The following DAPK1 variants were observed in gnomAD, a reference collection of about 807,000 sequenced individuals.
DAPK1 encodes death-associated protein kinase 1.
Under a neutral mutation model 144.9 loss-of-function variants are expected in DAPK1, and 56 were observed. The observed-to-expected ratio is 0.39, with a 90% CI of 0.31 to 0.48. DAPK1 has a LOEUF of 0.48. Ranked by LOEUF, DAPK1 falls within the 20% of genes least tolerant of loss-of-function variation. DAPK1 has a pLI of 0.95. For missense variants in DAPK1, 1,454 were observed against 1,875.4 expected, an observed-to-expected ratio of 0.78 and a Z score of 4.15; for synonymous variants, 690 against 749.0, an observed-to-expected ratio of 0.92 and a Z score of 1.29.
chr9:87,706,407 G>T lies in DAPK1; in HGVS notation c.3336G>T (p.Leu1112=), dbSNP rs747354059. The T allele has an allele frequency of 1.8e-5, 29 of 1,612,716 alleles. No homozygotes were observed. The highest frequency in any genetic ancestry group is 1.6e-4 in the Middle Eastern group (1 of 6,082). Residue 1112 remains leucine, a synonymous_variant, in exon 26 of 26, where the codon CTG becomes CTT. Coordinates refer to ENST00000408954, the MANE Select transcript of DAPK1 (RefSeq NM_004938.4). This position sits in a 1 kb window ranked among gnomAD's most constrained non-coding sequence, Gnocchi z 9.0. The part of the protein sequence containing the change: ...DVPALIKTDN[L]HRSWADEEDE... ...CAGCCCTGATCAAGACAGACAACCT[G>T]CACCGCTCCTGGGCTGATGAGGAGG...
chr9:87,507,825 G>C (rs911644042), intron 2 of DAPK1, among the ~76,000 whole-genome samples: 1 of 151,936 alleles, frequency 6.6e-6, no homozygotes, highest in African/African-American at 2.4e-5. Flanking sequence ...ACTTCTTTTG[G>C]GACACATTTT....
Position 87,651,592 on chromosome 9 carries a change from C to T in DAPK1, c.1692C>T (p.Leu564=). The T allele has an allele frequency of 6.2e-7, 1 of 1,614,198 alleles. No homozygotes were observed. Among genetic ancestry groups the T allele is most frequent in the African/African-American group, 1.3e-5 (1 of 75,050 alleles). Residue 564 remains leucine (L), a synonymous_variant, in exon 17 of 26, where the codon CTC becomes CTT. Transcript: ENST00000408954. ...RCQMEVIKTL[L]SQGCFVDYQD... is the part of the protein sequence containing the mutation. Reference sequence around the variant, plus strand: ...AGATGGAGGTAATCAAGACTCTCCTCAGCCAAGGGTGTTTCGTCGATTATC... The same window carrying T: ...AGATGGAGGTAATCAAGACTCTCCTTAGCCAAGGGTGTTTCGTCGATTATC...
rs1477148997 is a variant in DAPK1, at chr9:87,708,633, T to C, written c.*1269T>C. 6.6e-6 allele frequency: 1 copy of C among 152,608 alleles called. No homozygotes were observed. Among genetic ancestry groups the C allele is most frequent in the Non-Finnish European group, 1.5e-5 (1 of 68,028 alleles). 9.5% of individuals were successfully genotyped at this position (152,608 alleles called of 1,614,324 possible). A position where few individuals can be genotyped will look rare whatever the true frequency, so the allele number is the denominator to read the frequency against. On this transcript the variant is annotated 3_prime_UTR_variant, in exon 26 of 26. Coordinates refer to ENST00000408954, the MANE Select transcript of DAPK1 (RefSeq NM_004938.4). ...ATAAATAAACTGTTGCTCGTTGCATTAGTTTTTTTGATCTTTAATTCAAAA... is the reference window on the plus strand; with the variant it reads ...ATAAATAAACTGTTGCTCGTTGCATCAGTTTTTTTGATCTTTAATTCAAAA...
chr9:87,634,796 G>C (rs762596682), intron 3 of DAPK1, among the ~76,000 whole-genome samples: 1 of 152,164 alleles, frequency 6.6e-6, no homozygotes, highest in Non-Finnish European at 1.5e-5. Flanking sequence ...GACATCACGT[G>C]GGGAGGGAGT....
intron 3 of DAPK1, among the ~76,000 whole-genome samples, chr9:87,625,114 T>G (rs1255214852): frequency 6.6e-6 from 1 of 151,692 alleles, no homozygotes; most frequent in Non-Finnish European, 1.5e-5. Flanking sequence ...GTTGAACAGA[T>G]GCAAGAGAGT....
rs567355690 is a variant in DAPK1, at chr9:87,678,815, A to T, written c.2002-2589A>T. ...CTGGCTGCAGGAATATCCCCTCAAC[A>T]TTGTGGGAACTAAAATGCCACCTCA... On this transcript the variant is annotated intron_variant, in intron 19 of 25. Coordinates refer to ENST00000408954, the MANE Select transcript of DAPK1 (RefSeq NM_004938.4). Among the ~76,000 whole-genome samples, 49 of 152,250 alleles carry T rather than the reference A, an allele frequency of 3.2e-4. 1 individual carries two copies. The South Asian group carries it at 9.7e-3, about 30-fold the overall frequency.
chr9:87,632,221 A>G lies in DAPK1; in HGVS notation c.285-5722A>G, dbSNP rs1829716568. On this transcript the variant is annotated intron_variant, in intron 3 of 25. Transcript: ENST00000408954. ...AAGGAGGATGAGTATATATGTAGGGATAAAGGAGGATCGGTATATATAGGA... is the reference window on the plus strand; with the variant it reads ...AAGGAGGATGAGTATATATGTAGGGGTAAAGGAGGATCGGTATATATAGGA... The G allele has an allele frequency of 4.1e-6, 4 of 974,454 alleles. No individual in the cohort carries two copies. In the South Asian group the frequency reaches 1.9e-4, roughly 46 times the overall value. 60.4% of individuals were successfully genotyped at this position (974,454 alleles called of 1,614,324 possible). A position where few individuals can be genotyped will look rare whatever the true frequency, so the allele number is the denominator to read the frequency against.
intron 2 of DAPK1, among the ~76,000 whole-genome samples, chr9:87,518,955 A>T (rs776946845): frequency 6.6e-6 from 1 of 152,144 alleles, no homozygotes; most frequent in Non-Finnish European, 1.5e-5. Flanking sequence ...GTCAAGAAAA[A>T]GTAGAGATCG....
chr9:87,534,645 C>T (rs1587695682), intron 2 of DAPK1, among the ~76,000 whole-genome samples: 1 of 133,958 alleles, frequency 7.5e-6, no homozygotes, highest in Non-Finnish European at 1.7e-5. Context: ...TTCTTGATTT[C>T]TTTTCTTTTT....
At position 87,535,821 on chromosome 9, in the gene DAPK1, A is replaced by G. The variant is rs36231436; in HGVS notation, c.62+36682A>G. Among the ~76,000 whole-genome samples, 460 of 152,312 alleles carry G rather than the reference A, an allele frequency of 3.0e-3. 1 individual carries two copies. The highest frequency in any genetic ancestry group is 0.014 in the Middle Eastern group (4 of 294). ...AGTTAAGGCAACTTAATATGTTTGT[A>G]TGTAAGAGGGGAAAAAAAGGTGACA... is the stretch of plus-strand genomic sequence containing the variant. On this transcript the variant is annotated intron_variant, in intron 2 of 25. Coordinates refer to ENST00000408954, the MANE Select transcript of DAPK1 (RefSeq NM_004938.4).
intron 2 of DAPK1, among the ~76,000 whole-genome samples, chr9:87,596,803 C>T (rs1342009278): frequency 1.3e-5 from 2 of 152,216 alleles, no homozygotes; most frequent in East Asian, 3.8e-4. Context: ...CATAACAAAC[C>T]ACTCCAAAAC....
chr9:87,654,185 C>G (rs1251840575), intron 17 of DAPK1, among the ~76,000 whole-genome samples: 1 of 152,170 alleles, frequency 6.6e-6, no homozygotes, highest in Admixed American at 6.5e-5. Flanking sequence ...AGCACCTTCC[C>G]TTTTCTCTGA....
rs564469229 is a variant in DAPK1, at chr9:87,669,349, G to C, written c.2001+675G>C. On this transcript the variant is annotated intron_variant, in intron 19 of 25. Transcript: ENST00000408954. ...AGGAGTTTATTGCTTGGGGTGGGGG[G>C]GGGTCACTGGGCTTCAAAGCAGAAG... 2.0e-5 allele frequency among the ~76,000 whole-genome samples: 3 copies of C among 147,700 alleles called. No individual in the cohort carries two copies. In the Admixed American group the frequency reaches 2.1e-4, roughly 10 times the overall value.
intron 17 of DAPK1, among the ~76,000 whole-genome samples, chr9:87,656,729 C>T (rs1260550856): frequency 6.6e-6 from 1 of 152,230 alleles, no homozygotes; most frequent in Admixed American, 6.5e-5. Context: ...AATGTGATCC[C>T]TCCCGTTACA....
At chr9:87,676,393 C>T (rs1382911878) in intron 19 of DAPK1, among the ~76,000 whole-genome samples, 1 of 152,220 alleles carries the variant, frequency 6.6e-6, no homozygotes, top group Admixed American at 6.5e-5. Context: ...GGCCTCTGCG[C>T]CACAACCCGT....
intron 16 of DAPK1, chr9:87,650,542 A>G (rs1227612954): frequency 4.8e-6 from 1 of 207,340 alleles, no homozygotes; most frequent in Non-Finnish European, 9.8e-6. Context: ...TTGTCTGGCA[A>G]TCTCGATGCT....
chr9:87,605,781 C>T (rs923195789), intron 3 of DAPK1, among the ~76,000 whole-genome samples: 6 of 152,216 alleles, frequency 3.9e-5, no homozygotes, highest in Admixed American at 2.6e-4. Context: ...GCAGGTTATT[C>T]TGTGGCGTTT....
intron 12 of DAPK1, 61 bp downstream of exon 12, chr9:87,646,075 T>G: frequency 6.4e-7 from 1 of 1,574,410 alleles, no homozygotes; most frequent in Non-Finnish European, 8.6e-7. Context: ...CCCTTCCATA[T>G]CCAAGGAAAG....
intron 2 of DAPK1, among the ~76,000 whole-genome samples, chr9:87,591,218 A>G (rs112797848): frequency 0.015 from 2,284 of 152,270 alleles, 29 homozygotes; most frequent in Non-Finnish European, 0.025. Context: ...AGATGAATGT[A>G]CAGGATCTGA....
Sources: gnomAD v4.1 joint callset for allele counts (sites outside exome capture counted in the v4.1 genomes callset) on GRCh38, gnomAD v4.1.1 for gene constraint, Gnocchi (gnomAD v3.1) non-coding constraint, MANE v1.5 for transcripts, NCBI Gene and HGNC (gene_info 2026-07-23, HGNC 2026-07-21) for gene names.